STK3: variants seen among roughly 807,000 people sequenced by gnomAD.
STK3 encodes the protein serine/threonine kinase 3.
STK3 carries 41 observed loss-of-function variants against 58.0 expected under a neutral mutation model. That is an observed-to-expected ratio of 0.71 (90% CI 0.55 to 0.92). STK3 has a LOEUF of 0.92. Among genes scored for constraint, STK3 ranks in the 40% least tolerant of loss-of-function variants. STK3 has a pLI of 0.00. For synonymous variants in STK3, 170 were observed against 191.0 expected (o/e 0.89, Z 0.91); for missense variants, 479 against 602.7 (o/e 0.79, Z 2.15).
chr8:98,668,044 T>A (rs1822503339), intron 6 of STK3, among the ~76,000 whole-genome samples: 1 of 152,142 alleles, frequency 6.6e-6, no homozygotes, highest in South Asian at 2.1e-4. Context: ...AAAATACACT[T>A]ACTTTTGTTA....
In STK3 at chr8:98,696,333, T is replaced by C. The variant is rs563179493; in HGVS notation, c.684+10134A>G. ...ACAATTTGACTTCCTCTTTTCCTAA[T>C]TGAATACCCTTTATTTCCTTCTCCT... On this transcript the variant is annotated intron_variant, in intron 6 of 10. Coordinates refer to ENST00000419617, the MANE Select transcript of STK3 (RefSeq NM_006281.4). Among the ~76,000 whole-genome samples, 8 of 151,960 alleles carry C rather than the reference T, an allele frequency of 5.3e-5. No individual in the cohort carries two copies. The East Asian group carries it at 1.2e-3, about 22-fold the overall frequency.
At chr8:98,546,538 T>A (rs991732848) in intron 9 of STK3, among the ~76,000 whole-genome samples, 1 of 152,196 alleles carries the variant, frequency 6.6e-6, no homozygotes, top group Admixed American at 6.6e-5. Context: ...TTAAAAATTA[T>A]ATCAGCTTAT....
At chr8:98,791,885 T>A (rs1022294502) in intron 1 of STK3, among the ~76,000 whole-genome samples, 12 of 152,090 alleles carry the variant, frequency 7.9e-5, no homozygotes, top group African/African-American at 2.9e-4. Flanking sequence ...TTGGAAAAAC[T>A]CTTCTAGACA....
intron 8 of STK3, among the ~76,000 whole-genome samples, chr8:98,571,111 C>T (rs1789612709): frequency 6.6e-6 from 1 of 152,164 alleles, no homozygotes; most frequent in African/African-American, 2.4e-5. Context: ...GGGTGGATCA[C>T]TTGAGGTCAG....
At chr8:98,371,786 G>A (rs1001441163) in intron 2 of STK3, 1 of 152,170 alleles carries the variant, frequency 6.6e-6, no homozygotes, top group Non-Finnish European at 1.5e-5. Flanking sequence ...GGGCTCTAGG[G>A]CCACATGAGA....
chr8:98,685,736 T>A (rs928476033), intron 6 of STK3, among the ~76,000 whole-genome samples: 2 of 151,324 alleles, frequency 1.3e-5, no homozygotes, highest in African/African-American at 4.9e-5. Flanking sequence ...AATCAAGGTA[T>A]CACCTAAAAT....
At chr8:98,921,991 G>A (rs1839583444) in intron 1 of STK3, among the ~76,000 whole-genome samples, 1 of 152,116 alleles carries the variant, frequency 6.6e-6, no homozygotes, top group African/African-American at 2.4e-5. Flanking sequence ...ACCACGCCCG[G>A]CCTATCAACA....
chr8:98,850,373 G>C (rs1464841666), intron 3 of STK3, among the ~76,000 whole-genome samples: 1 of 152,140 alleles, frequency 6.6e-6, no homozygotes, highest in Non-Finnish European at 1.5e-5. Context: ...TCTGCTCTGG[G>C]TATTGGGCTG....
intron 1 of STK3, among the ~76,000 whole-genome samples, chr8:98,387,951 A>G (rs1283625491): frequency 6.6e-6 from 1 of 151,452 alleles, no homozygotes; most frequent in African/African-American, 2.4e-5. Context: ...AGCAAAGACT[A>G]TGGCAATCAC....
chr8:98,732,647 A>G (rs1040038107), intron 4 of STK3, among the ~76,000 whole-genome samples: 5 of 152,206 alleles, frequency 3.3e-5, no homozygotes, highest in Non-Finnish European at 4.4e-5. Flanking sequence ...AACAGGAAAT[A>G]TCCTTTTTTT....
chr8:98,938,899 C>G (rs1482864255), intron 1 of STK3, among the ~76,000 whole-genome samples: 1 of 151,878 alleles, frequency 6.6e-6, no homozygotes, highest in Non-Finnish European at 1.5e-5. Flanking sequence ...TAGTTAGAAA[C>G]TGTAAAATGA....
chr8:98,755,303 G>GA (rs1830222116), intron 3 of STK3, among the ~76,000 whole-genome samples: 1 of 152,104 alleles, frequency 6.6e-6, no homozygotes, highest in South Asian at 2.1e-4. Flanking sequence ...CCCTCATACC[G>GA]AATACACTAG....
At chr8:98,463,973 C>T (rs895974166) in intron 10 of STK3, among the ~76,000 whole-genome samples, 2 of 152,106 alleles carry the variant, frequency 1.3e-5, no homozygotes, top group African/African-American at 4.8e-5. Flanking sequence ...TTTAGTCAAA[C>T]AGTCAATCAA....
At chr8:98,695,072 G>A (rs1316072706) in intron 6 of STK3, among the ~76,000 whole-genome samples, 2 of 152,176 alleles carry the variant, frequency 1.3e-5, no homozygotes, top group Admixed American at 6.5e-5. Flanking sequence ...GTCTCATTGT[G>A]GTTTTGGTTT....
At chr8:98,738,473 CAAAATAAAATAA>C (rs1438355962) in intron 4 of STK3, among the ~76,000 whole-genome samples, 14 of 151,494 alleles carry the variant, frequency 9.2e-5, no homozygotes, top group South Asian at 2.1e-4. Flanking sequence ...AACTCCGACT[CAAAATAAAATAA>C]AAAATAAAAT....
chr8:98,773,997 T>C (rs1831499266), intron 2 of STK3, among the ~76,000 whole-genome samples: 1 of 152,112 alleles, frequency 6.6e-6, no homozygotes, highest in Non-Finnish European at 1.5e-5. Context: ...GGTTTCTCCA[T>C]GTTGGTCAAG....
At chr8:98,876,083 G>T (rs1194212284) in intron 3 of STK3, among the ~76,000 whole-genome samples, 6 of 152,180 alleles carry the variant, frequency 3.9e-5, no homozygotes, top group African/African-American at 1.4e-4. Flanking sequence ...TGTTCAGTCT[G>T]GTTCCCCAGG....
rs536791349 is a variant in STK3, at chr8:98,683,391, T to C, written c.684+23076A>G. On this transcript the variant is annotated intron_variant, in intron 6 of 10. Transcript: ENST00000419617. ...TATTTTAAGAAAGAAAAATCTGAGC[T>C]TACCAGATTTCAGTATTAACACCAC... 2.0e-5 allele frequency among the ~76,000 whole-genome samples: 3 copies of C among 152,126 alleles called. No homozygotes were observed. In the South Asian group the frequency reaches 6.2e-4, roughly 32 times the overall value.
chr8:98,506,798 T>G (rs1824119062), intron 10 of STK3, among the ~76,000 whole-genome samples: 2 of 152,218 alleles, frequency 1.3e-5, no homozygotes, highest in South Asian at 4.1e-4. Flanking sequence ...AGAGATTCTC[T>G]GCTAGAGTAT....
Sources: gnomAD v4.1 joint callset for allele counts (sites outside exome capture counted in the v4.1 genomes callset) on GRCh38, gnomAD v4.1.1 for gene constraint, MANE v1.5 for transcripts, NCBI Gene and HGNC (gene_info 2026-07-23, HGNC 2026-07-21) for gene names.